The following SCUBE2 variants were observed in gnomAD, a reference collection of about 807,000 sequenced individuals.
SCUBE2 encodes the protein signal peptide, CUB and EGF-like domain-containing protein 2.
A neutral mutation model predicts 125.9 loss-of-function variants in SCUBE2; 114 were observed. That is an observed-to-expected ratio of 0.91 (90% CI 0.78 to 1.06). SCUBE2 has a LOEUF of 1.06. Among genes scored for constraint, SCUBE2 ranks in the 50% least tolerant of loss-of-function variants. The pLI, the probability that SCUBE2 is intolerant of heterozygous loss-of-function variation, is 0.00. For missense variants in SCUBE2, 1,255 were observed against 1,301.8 expected (o/e 0.96, Z 0.55); for synonymous variants, 459 against 492.9 (o/e 0.93, Z 0.91).
chr11:9,076,860 A>G (rs1421761219), intron 3 of SCUBE2, among the ~76,000 whole-genome samples: 1 of 152,198 alleles, frequency 6.6e-6, no homozygotes, highest in Admixed American at 6.5e-5. Flanking sequence ...AGGGTGAAGG[A>G]AGCACATTCC....
At chr11:9,082,599 A>C (rs969519384) in intron 2 of SCUBE2, among the ~76,000 whole-genome samples, 2 of 151,264 alleles carry the variant, frequency 1.3e-5, no homozygotes, top group African/African-American at 4.9e-5. Flanking sequence ...ATAAATGGGC[A>C]AAAAAAATGG....
At chr11:9,047,279 AG>A in intron 16 of SCUBE2, 76 bp downstream of exon 16, 1 of 1,469,570 alleles carries the variant, frequency 6.8e-7, no homozygotes, top group South Asian at 1.2e-5. Context: ...AGGATGGGCC[AG>A]ACTTGCCTTC....
intron 16 of SCUBE2, among the ~76,000 whole-genome samples, chr11:9,044,930 G>A (rs571461999): frequency 1.2e-4 from 18 of 152,166 alleles, no homozygotes; most frequent in Admixed American, 2.0e-4. Flanking sequence ...GGGGGAGTAC[G>A]CTCCTCATCC....
chr11:9,089,634 A>C, intron 2 of SCUBE2, 73 bp downstream of exon 2: 1 of 1,540,842 alleles, frequency 6.5e-7, no homozygotes, highest in Non-Finnish European at 8.8e-7. Context: ...TTACCAACAT[A>C]AGTGGCCACT....
Position 9,047,492 on chromosome 11 carries a change from T to C in SCUBE2, c.1866A>G (p.Arg622=), listed in dbSNP as rs771958782. 6.2e-7 allele frequency: 1 copy of C among 1,613,900 alleles called. No individual in the cohort carries two copies. The highest frequency in any genetic ancestry group is 1.1e-5 in the South Asian group (1 of 91,054). The change falls in exon 16 of 23, where the codon AGA becomes AGG. Residue 622 remains arginine (R), a synonymous_variant. Transcript: ENST00000649792. ...GAAACTGCTCCCTGTGGACGGCCTT[T>C]CTGAGCGTGCGGATGGCTTTACGGA... The part of the protein sequence containing the change: ...KRLRKAIRTL[R]KAVHREQFHL...
At chr11:9,037,855 T>G (rs1856866220) in intron 16 of SCUBE2, among the ~76,000 whole-genome samples, 1 of 152,250 alleles carries the variant, frequency 6.6e-6, no homozygotes, top group Admixed American at 6.5e-5. Flanking sequence ...TCTTCCTTAT[T>G]GGGTTCCCAA....
rs190792175 is a variant in SCUBE2, at chr11:9,043,037, T to C, written c.2002+4319A>G. ...GACACTTCCCGAGTAAATCCTCCAA[T>C]GGCAGCATGTCACCTAGAGATAAAG... On this transcript the variant is annotated intron_variant, in intron 16 of 22. Coordinates refer to ENST00000649792, the MANE Select transcript of SCUBE2 (RefSeq NM_001367977.2). Among the ~76,000 whole-genome samples, 3 of 152,292 alleles carry C rather than the reference T, an allele frequency of 2.0e-5. No homozygotes were observed. In the East Asian group the frequency reaches 5.8e-4, roughly 29 times the overall value.
rs1564836691 is a variant in SCUBE2 at position 9,066,813 on chromosome 11, A to G, written c.644T>C (p.Leu215Ser). ...ELAKNQRDCI[L>S]TCNHGNGGCQ... ...CCCACCGTTCCCATGGTTACAGGTC[A>G]CTGACAGCAAAATGAATCAATACAT... is the stretch of plus-strand genomic sequence containing the variant. The change falls in exon 6 of 23, where the codon TTG becomes TCG. Residue 215 changes from leucine (L) to serine (S), a missense_variant and splice_region_variant. By Grantham distance (145) the Leu-to-Ser change is moderately radical (BLOSUM62 -2). This residue lies in a region of SCUBE2 where 362 missense variants were observed against 323.0 expected (regional missense o/e 1.12). Coordinates refer to ENST00000649792, the MANE Select transcript of SCUBE2 (RefSeq NM_001367977.2). The G allele has an allele frequency of 6.2e-7, 1 of 1,611,982 alleles. No homozygotes were observed. Among genetic ancestry groups the G allele is most frequent in the Non-Finnish European group, 8.5e-7 (1 of 1,178,014 alleles).
intron 9 of SCUBE2, chr11:9,057,344 A>G (rs1437358426): frequency 6.6e-6 from 1 of 152,236 alleles, no homozygotes; most frequent in Non-Finnish European, 1.5e-5. Flanking sequence ...ATCTAGAATT[A>G]ACTTACTGAA....
At chr11:9,035,241 T>C (rs1590020733) in intron 16 of SCUBE2, among the ~76,000 whole-genome samples, 1 of 152,306 alleles carries the variant, frequency 6.6e-6, no homozygotes, top group South Asian at 2.1e-4. Context: ...AAGCTCTACA[T>C]ATAGTATTTC....
intron 17 of SCUBE2, 42 bp from the exon 18 acceptor site, chr11:9,030,967 A>G (rs1856252542): frequency 6.3e-7 from 1 of 1,576,456 alleles, no homozygotes. Flanking sequence ...GCCTCCAGGC[A>G]GACCCTTGCT....
chr11:9,056,017 C>T, intron 9 of SCUBE2, 108 bp from the exon 10 acceptor site: 1 of 820,810 alleles, frequency 1.2e-6, no homozygotes, highest in African/African-American at 1.7e-5. Context: ...ACAATACACA[C>T]AGAGTAAAAA....
Position 9,033,621 on chromosome 11 carries a change from C to T in SCUBE2, c.2173+5G>A, listed in dbSNP as rs988007529. The T allele has an allele frequency of 4.3e-6, 7 of 1,612,970 alleles. No individual in the cohort carries two copies. In the African/African-American group the frequency reaches 5.3e-5, roughly 12 times the overall value. ...GGAGTAGGAAGGAACAGACAGCATC[C>T]TTACCTCCACATTCAGACATATTCC... On this transcript the variant is annotated splice_donor_5th_base_variant and intron_variant, in intron 17 of 22. Coordinates refer to ENST00000649792, the MANE Select transcript of SCUBE2 (RefSeq NM_001367977.2).
chr11:9,089,262 A>G (rs1722191056), intron 2 of SCUBE2, among the ~76,000 whole-genome samples: 1 of 152,218 alleles, frequency 6.6e-6, no homozygotes, highest in South Asian at 2.1e-4. Context: ...GGCCAAAGCC[A>G]TAAACAGGAT....
At chr11:9,052,938 A>C in intron 12 of SCUBE2, 106 bp from the exon 13 acceptor site, 1 of 1,052,404 alleles carries the variant, frequency 9.5e-7, no homozygotes, top group Non-Finnish European at 1.4e-6. Context: ...CACTAGAAAA[A>C]TGCCCAGCAT....
intron 4 of SCUBE2, among the ~76,000 whole-genome samples, chr11:9,071,706 AC>A (rs59512673): frequency 0.023 from 3,468 of 152,322 alleles, 117 homozygotes; most frequent in African/African-American, 0.079. Flanking sequence ...ATTTCTGGAA[AC>A]CAAACAAAAA....
chr11:9,061,038 C>G (rs910548503), intron 7 of SCUBE2, among the ~76,000 whole-genome samples: 15 of 152,128 alleles, frequency 9.9e-5, no homozygotes, highest in African/African-American at 3.4e-4. Context: ...TTTCACTTTC[C>G]CTGAAAGGAG....
chr11:9,072,679 T>C (rs1482322139), intron 4 of SCUBE2, among the ~76,000 whole-genome samples: 1 of 152,208 alleles, frequency 6.6e-6, no homozygotes. Flanking sequence ...TCCCATGAAT[T>C]TGCCAAGCAA....
chr11:9,029,748 G>T, intron 19 of SCUBE2, 136 bp downstream of exon 19: 1 of 914,386 alleles, frequency 1.1e-6, no homozygotes, highest in Non-Finnish European at 1.7e-6. Flanking sequence ...GGTCTGCATG[G>T]CTGTGAGCTG....
Sources: allele counts gnomAD v4.1 joint callset (sites outside exome capture counted in the v4.1 genomes callset), GRCh38; gene constraint gnomAD v4.1.1; regional missense constraint gnomAD v4.1.1; transcripts MANE v1.5; gene names NCBI Gene and HGNC (gene_info 2026-07-23, HGNC 2026-07-21).